The following CYRIA variants were observed in gnomAD, a reference collection of about 807,000 sequenced individuals.
The protein encoded by CYRIA is CYFIP-related Rac1 interactor A.
Under a neutral mutation model 43.9 loss-of-function variants are expected in CYRIA, and 15 were observed. The observed-to-expected ratio is 0.34, with a 90% CI of 0.23 to 0.53. The LOEUF is 0.53. Ranked by LOEUF, CYRIA falls within the 20% of genes least tolerant of loss-of-function variation. CYRIA has a pLI of 0.94. For synonymous variants in CYRIA, 117 were observed against 136.0 expected, an observed-to-expected ratio of 0.86 and a Z score of 0.97; for missense variants, 236 against 394.2, an observed-to-expected ratio of 0.60 and a Z score of 3.40.
Position 16,570,070 on chromosome 2 carries a change from G to A in CYRIA, c.71-4303C>T, listed in dbSNP as rs191896979. On this transcript the variant is annotated intron_variant, in intron 3 of 11. Transcript: ENST00000381323. ...ATACACGAAGAAATTGGTAAGATGG[G>A]ATAGAATGCTGGGTACTTGAAAGCA... 2.7e-3 allele frequency among the ~76,000 whole-genome samples: 418 copies of A among 152,196 alleles called. 2 individuals carry two copies. Among genetic ancestry groups the A allele is most frequent in the Admixed American group, 6.4e-3 (98 of 15,286 alleles).
chr2:16,582,272 T>A lies in CYRIA; in HGVS notation c.70+5778A>T, dbSNP rs373912829. ...AATATATTCTGTGATGACGGAATAA[T>A]GTCAGCATTAGGCAGAAGAAAAGAA... is the stretch of plus-strand genomic sequence containing the variant. On this transcript the variant is annotated intron_variant, in intron 3 of 11. Coordinates refer to ENST00000381323, the MANE Select transcript of CYRIA (RefSeq NM_030797.4). 2.8e-4 allele frequency among the ~76,000 whole-genome samples: 42 copies of A among 152,322 alleles called. No homozygotes were observed. The South Asian group carries it at 8.1e-3, about 29-fold the overall frequency.
intron 2 of CYRIA, among the ~76,000 whole-genome samples, chr2:16,619,319 G>T (rs1027473092): frequency 2.0e-5 from 3 of 151,848 alleles, no homozygotes; most frequent in Non-Finnish European, 4.4e-5. Context: ...ATACACACAC[G>T]TAGGTACATG....
At chr2:16,630,037 C>T (rs181689932) in intron 1 of CYRIA, among the ~76,000 whole-genome samples, 7 of 152,248 alleles carry the variant, frequency 4.6e-5, no homozygotes, top group Admixed American at 2.0e-4. Flanking sequence ...GCCAACACGC[C>T]GGTGATGATG....
intron 9 of CYRIA, among the ~76,000 whole-genome samples, chr2:16,560,271 G>A (rs1405967987): frequency 6.6e-6 from 1 of 152,134 alleles, no homozygotes; most frequent in Admixed American, 6.6e-5. Context: ...TTTGGTACAA[G>A]TGAAATATTT....
chr2:16,625,939 A>G (rs1669149108), intron 1 of CYRIA, among the ~76,000 whole-genome samples: 1 of 151,436 alleles, frequency 6.6e-6, no homozygotes, highest in Non-Finnish European at 1.5e-5. Context: ...GCTATTTTCC[A>G]CCACAAAACC....
intron 3 of CYRIA, among the ~76,000 whole-genome samples, chr2:16,583,615 G>T (rs1667624960): frequency 6.6e-6 from 1 of 152,152 alleles, no homozygotes; most frequent in Non-Finnish European, 1.5e-5. Context: ...TGCCATAATG[G>T]TGGGTCTGGT....
intron 1 of CYRIA, among the ~76,000 whole-genome samples, chr2:16,647,074 T>C (rs1395633785): frequency 6.6e-6 from 1 of 152,200 alleles, no homozygotes; most frequent in South Asian, 2.1e-4. Context: ...TCTGTAGCCA[T>C]ATCCGTATCC....
At chr2:16,611,482 GA>G (rs1558425919) in intron 2 of CYRIA, among the ~76,000 whole-genome samples, 1 of 152,366 alleles carries the variant, frequency 6.6e-6, no homozygotes, top group East Asian at 1.9e-4. Flanking sequence ...GTAAGGATGA[GA>G]ATCTGCATTC....
chr2:16,658,552 C>T (rs917649508), intron 1 of CYRIA, among the ~76,000 whole-genome samples: 5 of 152,210 alleles, frequency 3.3e-5, no homozygotes, highest in African/African-American at 9.7e-5. Flanking sequence ...CTTCCAAACA[C>T]TTGCTCCAGA....
intron 2 of CYRIA, among the ~76,000 whole-genome samples, chr2:16,610,700 T>C (rs1363890683): frequency 1.3e-5 from 2 of 151,952 alleles, no homozygotes; most frequent in African/African-American, 4.8e-5. Context: ...GATAAACTTC[T>C]GTAAAGTTCC....
intron 5 of CYRIA, among the ~76,000 whole-genome samples, chr2:16,563,056 T>C (rs766083628): frequency 3.3e-5 from 5 of 152,196 alleles, no homozygotes; most frequent in Non-Finnish European, 7.4e-5. Context: ...TATTTCCATC[T>C]GTAAGAACAC....
chr2:16,600,998 C>T (rs1668186261), intron 2 of CYRIA, among the ~76,000 whole-genome samples: 1 of 152,192 alleles, frequency 6.6e-6, no homozygotes, highest in African/African-American at 2.4e-5. Context: ...TAGGAGGCCC[C>T]TGCCTGGGGA....
At chr2:16,579,265 G>C (rs1170709793) in intron 3 of CYRIA, among the ~76,000 whole-genome samples, 2 of 151,932 alleles carry the variant, frequency 1.3e-5, no homozygotes, top group Admixed American at 6.6e-5. Context: ...GTTTCTAATA[G>C]ACTTGAACTA....
At chr2:16,626,897 C>G (rs1197367453) in intron 1 of CYRIA, among the ~76,000 whole-genome samples, 1 of 152,212 alleles carries the variant, frequency 6.6e-6, no homozygotes, top group Admixed American at 6.5e-5. Flanking sequence ...TAGCACCTGG[C>G]AGCCAGTGAA....
At chr2:16,579,897 CAT>C (rs1184316167) in intron 3 of CYRIA, among the ~76,000 whole-genome samples, 1 of 151,298 alleles carries the variant, frequency 6.6e-6, no homozygotes, top group African/African-American at 2.4e-5. Flanking sequence ...ATTAATTAAA[CAT>C]ATATGTAAAC....
At chr2:16,622,063 C>A (rs556200236) in intron 2 of CYRIA, among the ~76,000 whole-genome samples, 1 of 152,268 alleles carries the variant, frequency 6.6e-6, no homozygotes, top group East Asian at 1.9e-4. Context: ...GAAAAGCTAA[C>A]AGGCAAGGAA....
rs968128483 is a variant in CYRIA at position 16,552,009 on chromosome 2, C to T, written c.*927G>A. On this transcript the variant is annotated 3_prime_UTR_variant, in exon 12 of 12. Coordinates refer to ENST00000381323, the MANE Select transcript of CYRIA (RefSeq NM_030797.4). Reference sequence around the variant, plus strand: ...CTGGTAACTAATGCAGTATCCTAGACCTTTGTTCTCATATGAATGGTCTTC... The same window carrying T: ...CTGGTAACTAATGCAGTATCCTAGATCTTTGTTCTCATATGAATGGTCTTC... 2 of 152,036 alleles carry T rather than the reference C, an allele frequency of 1.3e-5. No homozygotes were observed. The highest frequency in any genetic ancestry group is 2.4e-5 in the African/African-American group (1 of 41,400). 9.4% of individuals were successfully genotyped at this position (152,036 alleles called of 1,614,324 possible). A position where few individuals can be genotyped will look rare whatever the true frequency, so the allele number is the denominator to read the frequency against.
intron 3 of CYRIA, among the ~76,000 whole-genome samples, chr2:16,569,033 G>A (rs1667041113): frequency 6.6e-6 from 1 of 152,190 alleles, no homozygotes; most frequent in Admixed American, 6.5e-5. Flanking sequence ...AAATAAGACT[G>A]TTTCTGATAG....
Position 16,565,646 on chromosome 2 carries a change from A to G in CYRIA, c.192T>C (p.Asp64=), listed in dbSNP as rs748232801. Residue 64 remains aspartate (D), a splice_region_variant and synonymous_variant, in exon 4 of 12, where the codon GAT becomes GAC. Coordinates refer to ENST00000381323, the MANE Select transcript of CYRIA (RefSeq NM_030797.4). ...AYKGAGPEIR[D]AIQNPNDIQL... ...CAGTTCAGCGTGATCATTGACATACATCTCGGATCTCTGGGCCTGCGCCTT... is the reference window on the plus strand; with the variant it reads ...CAGTTCAGCGTGATCATTGACATACGTCTCGGATCTCTGGGCCTGCGCCTT... 56 of 1,559,826 alleles carry G rather than the reference A, an allele frequency of 3.6e-5. No individual in the cohort carries two copies. Among genetic ancestry groups the G allele is most frequent in the Non-Finnish European group, 4.4e-5 (50 of 1,141,296 alleles).
Sources: gnomAD v4.1 joint callset for allele counts (sites outside exome capture counted in the v4.1 genomes callset) on GRCh38, gnomAD v4.1.1 for gene constraint, MANE v1.5 for transcripts, NCBI Gene and HGNC (gene_info 2026-07-23, HGNC 2026-07-21) for gene names.